Variants in EPS15 observed in about 807,000 individuals in gnomAD.
The protein encoded by EPS15 is epidermal growth factor receptor substrate 15.
EPS15 carries 72 observed loss-of-function variants against 113.8 expected under a neutral mutation model. The observed-to-expected ratio is 0.63, with a 90% confidence interval of 0.52 to 0.77. The LOEUF is 0.77. Among genes scored for constraint, EPS15 ranks in the 30% least tolerant of loss-of-function variants. The pLI is 0.00. For synonymous variants in EPS15, 344 were observed against 363.4 expected (o/e 0.95, Z 0.61); for missense variants, 1,048 against 1,045.8 (o/e 1.00, Z -0.03).
At chr1:51,403,128 A>G (rs1359640944) in intron 17 of EPS15, among the ~76,000 whole-genome samples, 2 of 152,148 alleles carry the variant, frequency 1.3e-5, no homozygotes, top group African/African-American at 4.8e-5. Context: ...AGTGCCTCCA[A>G]CTCAGGCTCA....
intron 1 of EPS15, among the ~76,000 whole-genome samples, chr1:51,518,111 T>C (rs887968731): frequency 6.6e-6 from 1 of 151,968 alleles, no homozygotes; most frequent in Non-Finnish European, 1.5e-5. Flanking sequence ...GAGAGAACCG[T>C]CTGAGGAGAC....
intron 7 of EPS15, among the ~76,000 whole-genome samples, chr1:51,462,337 T>C (rs1040823231): frequency 6.8e-6 from 1 of 148,050 alleles, no homozygotes; most frequent in Non-Finnish European, 1.5e-5. Flanking sequence ...CACTCCAGCC[T>C]GGGTAACAAA....
chr1:51,508,372 G>GAAAGAAAGAAAGAA (rs1557537475), intron 1 of EPS15, among the ~76,000 whole-genome samples: 1 of 150,802 alleles, frequency 6.6e-6, no homozygotes, highest in Non-Finnish European at 1.5e-5. Context: ...AAGAAAGAAA[G>GAAAGAAAGAAAGAA]AAAGAAAGAA....
intron 1 of EPS15, among the ~76,000 whole-genome samples, chr1:51,509,134 T>C (rs1644574800): frequency 1.3e-5 from 2 of 152,318 alleles, no homozygotes; most frequent in African/African-American, 2.4e-5. Context: ...CATGGTCTTA[T>C]TCTGTATGTC....
At chr1:51,471,790 G>T in intron 3 of EPS15, 53 bp from the exon 4 acceptor site, 1 of 1,264,730 alleles carries the variant, frequency 7.9e-7, no homozygotes, top group Non-Finnish European at 1.2e-6. Flanking sequence ...AAAGTCATCT[G>T]AATGATAAAT....
rs530237237 is a variant in EPS15, at chr1:51,480,679, A to G, written c.75+594T>C. Among the ~76,000 whole-genome samples, 5 of 152,144 alleles carry G rather than the reference A, an allele frequency of 3.3e-5. No homozygotes were observed. The East Asian group carries it at 9.7e-4, about 29-fold the overall frequency. On this transcript the variant is annotated intron_variant, in intron 2 of 24. Transcript: ENST00000371733. ...GAGGCATGCACCACCAAACCCAGCT[A>G]ATTTTGTATTTTAGTAGAGACAGGG...
intron 23 of EPS15, among the ~76,000 whole-genome samples, chr1:51,362,970 GAAAC>G (rs1646421366): frequency 6.6e-6 from 1 of 151,942 alleles, no homozygotes; most frequent in Non-Finnish European, 1.5e-5. Context: ...ATTATACATA[GAAAC>G]AAACAAAAAT....
chr1:51,445,696 G>A (rs1385139633), intron 10 of EPS15, among the ~76,000 whole-genome samples: 1 of 150,512 alleles, frequency 6.6e-6, no homozygotes, highest in Non-Finnish European at 1.5e-5. Context: ...ATGCACTGAA[G>A]GCCAGTAGGG....
At chr1:51,503,827 T>C (rs986127523) in intron 1 of EPS15, among the ~76,000 whole-genome samples, 5 of 152,174 alleles carry the variant, frequency 3.3e-5, no homozygotes, top group Non-Finnish European at 7.4e-5. Context: ...GCCAAGATCA[T>C]TCAATGTGGA....
intron 1 of EPS15, among the ~76,000 whole-genome samples, chr1:51,507,053 C>T (rs999572428): frequency 6.6e-6 from 1 of 152,046 alleles, no homozygotes; most frequent in Non-Finnish European, 1.5e-5. Flanking sequence ...GATTATTGCT[C>T]GAGTTAACCC....
Position 51,361,340 on chromosome 1 carries a change from T to C in EPS15, c.2375A>G (p.Asn792Ser). ...CPLPPGKRSINKLDSPDPFKL... is the reference protein window; with the variant it reads ...CPLPPGKRSISKLDSPDPFKL... ...AAAGGGATCAGGAGAATCCAATTTG[T>C]TGATGGATCTTTTCCCTGGATCAAA... The change falls in exon 24 of 25, where the codon AAC (asparagine) becomes AGC (serine). Residue 792 changes from asparagine (N) to serine (S), a missense_variant. Transcript: ENST00000371733. The C allele has an allele frequency of 6.2e-7, 1 of 1,610,714 alleles. No individual in the cohort carries two copies. The highest frequency in any genetic ancestry group is 8.5e-7 in the Non-Finnish European group (1 of 1,178,512).
chr1:51,431,027 C>A (rs1015334302), intron 12 of EPS15, among the ~76,000 whole-genome samples: 1,708 of 96,014 alleles, frequency 0.018, 10 homozygotes, highest in Admixed American at 0.023. Context: ...CACACACACA[C>A]AAAAATAAAA....
At chr1:51,493,573 TAAATAAAA>T (rs1557522941) in intron 1 of EPS15, among the ~76,000 whole-genome samples, 5 of 143,200 alleles carry the variant, frequency 3.5e-5, no homozygotes, top group African/African-American at 5.3e-5. Context: ...AATAAATAAA[TAAATAAAA>T]ATAAAGCTCT....
chr1:51,394,341 AT>A (rs780662981), intron 21 of EPS15, 39 bp downstream of exon 21: 11 of 1,305,910 alleles, frequency 8.4e-6, no homozygotes, highest in Non-Finnish European at 1.2e-5. Context: ...CTTAAAAAAA[AT>A]GTTTAATGTT....
intron 9 of EPS15, among the ~76,000 whole-genome samples, chr1:51,447,506 A>G (rs1341521531): frequency 6.6e-6 from 1 of 152,156 alleles, no homozygotes; most frequent in Non-Finnish European, 1.5e-5. Flanking sequence ...GCTGATTTGC[A>G]TATCCTGTCA....
intron 1 of EPS15, among the ~76,000 whole-genome samples, chr1:51,510,835 G>A (rs1644606037): frequency 6.6e-6 from 1 of 152,138 alleles, no homozygotes; most frequent in African/African-American, 2.4e-5. Context: ...CTCACCCCTA[G>A]AAAGTATATC....
chr1:51,424,428 A>G (rs58963289), intron 12 of EPS15, among the ~76,000 whole-genome samples: 9,443 of 152,272 alleles, frequency 0.062, 313 homozygotes, highest in Non-Finnish European at 0.075. Context: ...AATTTTGAAC[A>G]TGTATATTTT....
At chr1:51,472,772 A>G in intron 3 of EPS15, 87 bp downstream of exon 3, 1 of 969,834 alleles carries the variant, frequency 1.0e-6, no homozygotes. Context: ...AAATTTCTTG[A>G]TGGCATCTTT....
intron 21 of EPS15, among the ~76,000 whole-genome samples, chr1:51,371,750 G>A (rs966733038): frequency 6.6e-6 from 1 of 152,108 alleles, no homozygotes; most frequent in Non-Finnish European, 1.5e-5. Flanking sequence ...TGTTTATAAA[G>A]TTTACAACAA....
Sources: allele counts gnomAD v4.1 joint callset (sites outside exome capture counted in the v4.1 genomes callset), GRCh38; gene constraint gnomAD v4.1.1; transcripts MANE v1.5; gene names NCBI Gene and HGNC (gene_info 2026-07-23, HGNC 2026-07-21).